Variants in PCDH15 observed in about 807,000 individuals in gnomAD.
PCDH15 encodes protocadherin related 15, also known as protocadherin-15.
A neutral mutation model predicts 178.5 loss-of-function variants in PCDH15; 129 were observed. The ratio of observed to expected loss-of-function variants is 0.72; its 90% CI spans 0.63 to 0.84. The LOEUF (loss-of-function observed/expected upper bound fraction) is 0.84, where lower values mean the gene tolerates loss of function less well. Among genes scored for constraint, PCDH15 ranks in the 40% least tolerant of loss-of-function variants. The pLI is 0.00. For synonymous variants in PCDH15, 800 were observed against 732.0 expected (o/e 1.09, Z -1.50); for missense variants, 2,230 against 2,099.9 (o/e 1.06, Z -1.21).
chr10:54,546,151 G>C (rs911554949), intron 2 of PCDH15, among the ~76,000 whole-genome samples: 1 of 152,196 alleles, frequency 6.6e-6, no homozygotes, highest in African/African-American at 2.4e-5. Context: ...TCTTGCCGCT[G>C]TGGCATCCAA....
Position 53,995,722 on chromosome 10 carries a change from T to C in PCDH15, c.2795A>G (p.Lys932Arg), listed in dbSNP as rs751973292. The change falls in exon 21 of 38, where the codon AAA (lysine) becomes AGA (arginine). Residue 932 changes from lysine (K) to arginine (R), a missense_variant. By Grantham distance (26) the Lys-to-Arg change is conservative. Coordinates refer to ENST00000644397, the MANE Select transcript of PCDH15 (RefSeq NM_001384140.1). ...YPPVFSKRIYKGMVAPDAVKG... is the reference protein window; with the variant it reads ...YPPVFSKRIYRGMVAPDAVKG... ...GACTGCATCCGGAGCCACCATCCCT[T>C]TGTATATTCGTTTACTAAAGACAGG... 10 of 1,613,918 alleles carry C rather than the reference T, an allele frequency of 6.2e-6. No homozygotes were observed. The highest frequency in any genetic ancestry group is 8.5e-6 in the Non-Finnish European group (10 of 1,179,826).
chr10:54,004,426 C>CACACACACACACA (rs35001487), intron 20 of PCDH15, among the ~76,000 whole-genome samples: 2,576 of 96,880 alleles, frequency 0.027, 107 homozygotes, highest in African/African-American at 0.065. Flanking sequence ...CACACACACA[C>CACACACACACACA]CACACAAAGT....
chr10:54,764,608 T>G (rs2133187436), intron 1 of PCDH15, among the ~76,000 whole-genome samples: 1 of 152,254 alleles, frequency 6.6e-6, no homozygotes. Flanking sequence ...GAGAAGGTCA[T>G]GTAGCATAGG....
At chr10:54,246,099 C>A (rs117230098) in intron 8 of PCDH15, among the ~76,000 whole-genome samples, 1 of 151,806 alleles carries the variant, frequency 6.6e-6, no homozygotes, top group Non-Finnish European at 1.5e-5. Flanking sequence ...GAGGGACATA[C>A]GCTCAGAGAT....
In PCDH15 at chr10:54,359,317, A is replaced by C. The variant is rs183360664; in HGVS notation, c.474+9803T>G. Among the ~76,000 whole-genome samples the C allele has an allele frequency of 2.9e-4, 44 of 151,842 alleles. 1 individual carries two copies. The highest frequency in any genetic ancestry group is 9.5e-4 in the African/African-American group (39 of 41,266). On this transcript the variant is annotated intron_variant, in intron 5 of 37. Coordinates refer to ENST00000644397, the MANE Select transcript of PCDH15 (RefSeq NM_001384140.1). ...TCTGAATAAGCTATGAATTTGAATT[A>C]ATAATGTACCAATGTTGGTTTATTA...
intron 1 of PCDH15, among the ~76,000 whole-genome samples, chr10:54,671,135 T>A (rs941235444): frequency 6.6e-6 from 1 of 152,132 alleles, no homozygotes; most frequent in African/African-American, 2.4e-5. Flanking sequence ...GTGGAGTGTT[T>A]AGCTTAAAAA....
At chr10:54,316,624 T>C (rs1009321678) in intron 8 of PCDH15, among the ~76,000 whole-genome samples, 2 of 151,940 alleles carry the variant, frequency 1.3e-5, no homozygotes, top group African/African-American at 4.8e-5. Context: ...CAGCAGGATA[T>C]CCATTTGCCT....
chr10:53,818,067 A>G (rs559161257), intron 33 of PCDH15, 54 bp from the exon 34 acceptor site: 6 of 398,034 alleles, frequency 1.5e-5, no homozygotes, highest in Admixed American at 4.4e-5. Flanking sequence ...TTTCGTTATT[A>G]AACAAAATGA....
At chr10:55,284,487 C>T (rs936908532) in intron 1 of PCDH15, among the ~76,000 whole-genome samples, 2 of 152,034 alleles carry the variant, frequency 1.3e-5, no homozygotes, top group African/African-American at 4.8e-5. Flanking sequence ...GAGTTATGGT[C>T]ATAAAGGTAC....
intron 2 of PCDH15, among the ~76,000 whole-genome samples, chr10:55,057,493 T>C (rs571724213): frequency 6.6e-6 from 1 of 152,306 alleles, no homozygotes; most frequent in East Asian, 1.9e-4. Flanking sequence ...AAGAAGCAAT[T>C]TGAGCCCTGA....
At chr10:55,495,537 A>G (rs371581949) in intron 2 of PCDH15, among the ~76,000 whole-genome samples, 48 of 151,992 alleles carry the variant, frequency 3.2e-4, no homozygotes, top group African/African-American at 1.0e-3. Flanking sequence ...AACTCAAGAC[A>G]ATGCTGAAAA....
rs973136313 is a variant in PCDH15, at chr10:54,472,626, G to A, written c.157+55186C>T. On this transcript the variant is annotated intron_variant, in intron 3 of 37. Coordinates refer to ENST00000644397, the MANE Select transcript of PCDH15 (RefSeq NM_001384140.1). ...GTCATGATCTGCAAGGAACATATAAGAGACACAAATCCAGAAAAATTAAAA... is the reference window on the plus strand; with the variant it reads ...GTCATGATCTGCAAGGAACATATAAAAGACACAAATCCAGAAAAATTAAAA... 3.9e-4 allele frequency among the ~76,000 whole-genome samples: 59 copies of A among 152,190 alleles called. 1 individual carries two copies. Among genetic ancestry groups the A allele is most frequent in the African/African-American group, 1.3e-3 (56 of 41,516 alleles).
At position 55,469,114 on chromosome 10, in the gene PCDH15, A is replaced by G. The variant is rs531643057; in HGVS notation, c.-156+158511T>C. On this transcript the variant is annotated intron_variant, in intron 2 of 5. Coordinates refer to the PCDH15 transcript ENST00000613346. ...CAAGAAACAATGAAACAGAAAAAAT[A>G]TTAGGTGGAGCTACAGATCTACAAG... 3 of 152,306 alleles carry G rather than the reference A, an allele frequency of 2.0e-5. No homozygotes were observed. The South Asian group carries it at 6.2e-4, about 32-fold the overall frequency. 9.4% of individuals were successfully genotyped at this position (152,306 alleles called of 1,614,324 possible).
Position 55,367,041 on chromosome 10 carries a change from G to A in PCDH15, c.-155-200390C>T, listed in dbSNP as rs148905422. On this transcript the variant is annotated intron_variant, in intron 2 of 5. Coordinates refer to the PCDH15 transcript ENST00000613346. ...ATGTCCTTTCACCCCTCCATTCTCT[G>A]GGATTATGGGATTACGGGATTCTGG... Among the ~76,000 whole-genome samples the A allele has an allele frequency of 5.6e-3, 847 of 151,880 alleles. 9 individuals are homozygous for A. The highest frequency in any genetic ancestry group is 0.02 in the African/African-American group (808 of 41,424).
intron 1 of PCDH15, among the ~76,000 whole-genome samples, chr10:54,745,449 C>G (rs970591874): frequency 2.0e-5 from 3 of 151,978 alleles, no homozygotes; most frequent in African/African-American, 7.2e-5. Context: ...AACAGTTATA[C>G]GATCTCTCTG....
intron 3 of PCDH15, among the ~76,000 whole-genome samples, chr10:54,413,158 G>A (rs1953804634): frequency 7.3e-6 from 1 of 137,250 alleles, no homozygotes; most frequent in Non-Finnish European, 1.6e-5. Flanking sequence ...TGAATGGTCT[G>A]TATACAATAT....
At chr10:54,396,146 T>C (rs1160556724) in intron 3 of PCDH15, among the ~76,000 whole-genome samples, 3 of 152,176 alleles carry the variant, frequency 2.0e-5, no homozygotes, top group Non-Finnish European at 4.4e-5. Flanking sequence ...AAGAGAACTT[T>C]AGACTGTTAT....
chr10:54,118,025 T>C (rs1364350976), intron 15 of PCDH15, among the ~76,000 whole-genome samples: 3 of 152,290 alleles, frequency 2.0e-5, no homozygotes, highest in South Asian at 2.1e-4. Flanking sequence ...TCATTATTCA[T>C]AGAACTAGAA....
At chr10:54,079,273 G>T in intron 17 of PCDH15, 58 bp downstream of exon 17, 1 of 1,442,910 alleles carries the variant, frequency 6.9e-7, no homozygotes, top group South Asian at 1.1e-5. Context: ...CATTGTTTAA[G>T]ACTCTCTCAG....
Sources: gnomAD v4.1 joint callset for allele counts (sites outside exome capture counted in the v4.1 genomes callset) on GRCh38, gnomAD v4.1.1 for gene constraint, MANE v1.5 for transcripts, NCBI Gene and HGNC (gene_info 2026-07-23, HGNC 2026-07-21) for gene names.